Variants in STXBP5 observed in about 807,000 individuals in gnomAD.
The protein encoded by STXBP5 is syntaxin binding protein 5.
In STXBP5, 50 loss-of-function variants were observed where a neutral mutation model predicts 152.4. The ratio of observed to expected loss-of-function variants is 0.33; its 90% CI spans 0.26 to 0.42. The LOEUF (loss-of-function observed/expected upper bound fraction) is 0.42, where lower values mean the gene tolerates loss of function less well. STXBP5 is among the 10% of genes least tolerant of loss of function. STXBP5 has a pLI of 1.00. For synonymous variants in STXBP5, 492 were observed against 494.7 expected, an observed-to-expected ratio of 0.99 and a Z score of 0.07; for missense variants, 1,167 against 1,388.6, an observed-to-expected ratio of 0.84 and a Z score of 2.54.
At chr6:147,214,836 C>T (rs908993405) in intron 2 of STXBP5, among the ~76,000 whole-genome samples, 4 of 151,950 alleles carry the variant, frequency 2.6e-5, no homozygotes, top group Admixed American at 6.5e-5. Context: ...AGCCAGTATC[C>T]TCTCCTTTAT....
At chr6:147,247,513 T>G (rs1436897071) in intron 4 of STXBP5, among the ~76,000 whole-genome samples, 3 of 152,080 alleles carry the variant, frequency 2.0e-5, no homozygotes, top group African/African-American at 7.2e-5. Flanking sequence ...AAAAGAAAAA[T>G]TCTCTTAATA....
Position 147,329,406 on chromosome 6 carries a change from A to G in STXBP5, c.2080+2130A>G, listed in dbSNP as rs575873646. ...GGGTTGTGTTTTAAATAAAAATTAA[A>G]ATTATATTAAAGTATGTTTTAAAAT... On this transcript the variant is annotated intron_variant, in intron 18 of 27. Transcript: ENST00000321680. Among the ~76,000 whole-genome samples, 11 of 150,446 alleles carry G rather than the reference A, an allele frequency of 7.3e-5. 1 individual carries two copies. The South Asian group carries it at 1.9e-3, about 26-fold the overall frequency.
chr6:147,286,786 A>G (rs1343679890), intron 8 of STXBP5, among the ~76,000 whole-genome samples: 3 of 152,068 alleles, frequency 2.0e-5, no homozygotes, highest in Admixed American at 6.6e-5. Context: ...ATGAGATCCT[A>G]TCATACCAGT....
chr6:147,271,331 CAG>C (rs1271359468), intron 7 of STXBP5, among the ~76,000 whole-genome samples: 3 of 151,996 alleles, frequency 2.0e-5, no homozygotes, highest in Non-Finnish European at 4.4e-5. Context: ...AAGTAGGTAT[CAG>C]AGTGTTTCAC....
At chr6:147,222,237 AT>A (rs763770194) in intron 2 of STXBP5, among the ~76,000 whole-genome samples, 2 of 152,164 alleles carry the variant, frequency 1.3e-5, no homozygotes, top group Non-Finnish European at 2.9e-5. Context: ...TAATTGCAAC[AT>A]TACTGCCATT....
intron 24 of STXBP5, 40 bp downstream of exon 24, chr6:147,363,744 T>C: frequency 6.4e-7 from 1 of 1,557,656 alleles, no homozygotes; most frequent in Non-Finnish European, 8.6e-7. Flanking sequence ...ATATAGCATT[T>C]CCTCCCTCAA....
intron 23 of STXBP5, among the ~76,000 whole-genome samples, chr6:147,360,510 A>G (rs1785015663): frequency 6.6e-6 from 1 of 152,180 alleles, no homozygotes; most frequent in South Asian, 2.1e-4. Context: ...ATCTTGTGTA[A>G]AATAATTACT....
intron 7 of STXBP5, 34 bp downstream of exon 7, chr6:147,267,201 A>G: frequency 2.0e-6 from 3 of 1,532,880 alleles, no homozygotes; most frequent in Non-Finnish European, 2.6e-6. Context: ...AGCTATGGTC[A>G]TTTCTCTCAT....
intron 25 of STXBP5, among the ~76,000 whole-genome samples, chr6:147,366,736 C>A (rs1357464324): frequency 6.6e-6 from 1 of 152,146 alleles, no homozygotes; most frequent in East Asian, 1.9e-4. Context: ...CTTTTCCTTG[C>A]CAGGTAATAT....
chr6:147,367,615 G>T (rs894023998), intron 25 of STXBP5, among the ~76,000 whole-genome samples: 2 of 152,084 alleles, frequency 1.3e-5, no homozygotes, highest in African/African-American at 4.8e-5. Flanking sequence ...TCCAGCCTGG[G>T]TGACAAAGCG....
At chr6:147,270,045 T>C (rs1406347577) in intron 7 of STXBP5, among the ~76,000 whole-genome samples, 2 of 151,986 alleles carry the variant, frequency 1.3e-5, no homozygotes, top group African/African-American at 4.8e-5. Context: ...TAGAGAAGAT[T>C]ATGAGAAACA....
chr6:147,384,697 T>C lies in STXBP5; in HGVS notation c.3415-17T>C, dbSNP rs1181988060. 1 of 1,607,478 alleles carries C rather than the reference T, an allele frequency of 6.2e-7. No homozygotes were observed. Among genetic ancestry groups the C allele is most frequent in the African/African-American group, 1.3e-5 (1 of 74,540 alleles). On this transcript the variant is annotated splice_polypyrimidine_tract_variant and intron_variant, in intron 27 of 27. Coordinates refer to ENST00000321680, the MANE Select transcript of STXBP5 (RefSeq NM_001127715.4). ...CGGCATTTTAAAAGCATGTTTTTCT[T>C]TTTTTTCCCCCTTTAGATTATGTTG...
intron 2 of STXBP5, among the ~76,000 whole-genome samples, chr6:147,209,746 C>T (rs1322869580): frequency 6.6e-6 from 1 of 152,096 alleles, no homozygotes; most frequent in Non-Finnish European, 1.5e-5. Context: ...AAATTTGTTG[C>T]ATTTGATGAA....
intron 7 of STXBP5, among the ~76,000 whole-genome samples, chr6:147,275,050 C>T (rs1780370737): frequency 6.6e-6 from 1 of 151,990 alleles, no homozygotes; most frequent in Non-Finnish European, 1.5e-5. Context: ...AAGCAGTTAG[C>T]CTGTTTTGTC....
chr6:147,234,921 T>C (rs772608114), intron 2 of STXBP5, among the ~76,000 whole-genome samples: 2 of 152,070 alleles, frequency 1.3e-5, no homozygotes, highest in Non-Finnish European at 2.9e-5. Context: ...CAACCACCTT[T>C]TGTCTTCTTT....
intron 25 of STXBP5, among the ~76,000 whole-genome samples, chr6:147,370,756 AGTTGAACT>A: frequency 6.6e-6 from 1 of 152,198 alleles, no homozygotes; most frequent in African/African-American, 2.4e-5. Context: ...AACTGATGAC[AGTTGAACT>A]GTTTAGCTTC....
In STXBP5 at chr6:147,363,419, C is replaced by A. The variant is rs1330364697; in HGVS notation, c.2630C>A (p.Pro877His). 3 of 1,613,882 alleles carry A rather than the reference C, an allele frequency of 1.9e-6. No homozygotes were observed. Among genetic ancestry groups the A allele is most frequent in the Non-Finnish European group, 2.5e-6 (3 of 1,180,008 alleles). The change falls in exon 24 of 28, where the codon CCC (proline) becomes CAC (histidine). Residue 877 changes from proline (P) to histidine (H), a missense_variant. This residue lies in a region of STXBP5 where 833 missense variants were observed against 986.3 expected (regional missense o/e 0.84). Transcript: ENST00000321680. ...TGCTTAATACCACCTGCGTATGAAC[C>A]CTGGAGAGAGCACAATGTTCCTGAA... ...TGCLIPPAYE[P>H]WREHNVPEEK...
chr6:147,292,271 A>ATATATTCCAACAATAGC (rs770400028), intron 9 of STXBP5: 9 of 451,920 alleles, frequency 2.0e-5, no homozygotes, highest in South Asian at 1.3e-4. Context: ...GATCCAACAG[A>ATATATTCCAACAATAGC]TATATTCCAA....
chr6:147,237,128 G>A (rs1360739755), intron 3 of STXBP5, among the ~76,000 whole-genome samples: 1 of 152,000 alleles, frequency 6.6e-6, no homozygotes, highest in Non-Finnish European at 1.5e-5. Flanking sequence ...CAACATTTGA[G>A]CCAATGTTAA....
Sources: gnomAD v4.1 joint callset for allele counts (sites outside exome capture counted in the v4.1 genomes callset) on GRCh38, gnomAD v4.1.1 for gene constraint, gnomAD v4.1.1 regional missense constraint, MANE v1.5 for transcripts, NCBI Gene and HGNC (gene_info 2026-07-23, HGNC 2026-07-21) for gene names.